The following ADK variants were observed in gnomAD, a reference collection of about 807,000 sequenced individuals.
ADK encodes the protein N6,N6-dimethyladenosine kinase.
Under a neutral mutation model 44.7 loss-of-function variants are expected in ADK, and 24 were observed. The observed-to-expected ratio is 0.54, with a 90% CI of 0.39 to 0.76. The LOEUF is 0.76. Among genes scored for constraint, ADK ranks in the 30% least tolerant of loss-of-function variants. ADK has a pLI of 0.00. For missense variants in ADK, 321 were observed against 425.1 expected (o/e 0.76, Z 2.15); for synonymous variants, 128 against 142.6 (o/e 0.90, Z 0.73).
chr10:74,397,470 G>A (rs1052371639), intron 5 of ADK, among the ~76,000 whole-genome samples: 1 of 151,994 alleles, frequency 6.6e-6, no homozygotes, highest in African/African-American at 2.4e-5. Flanking sequence ...TATTTATAAT[G>A]TAAATAATTA....
chr10:74,530,492 T>A (rs902266972), intron 7 of ADK: 9 of 151,862 alleles, frequency 5.9e-5, no homozygotes, highest in Non-Finnish European at 7.4e-5. Context: ...CCTCAATATT[T>A]AAAAAAAATA....
chr10:74,371,118 G>A (rs1001272056), intron 4 of ADK, among the ~76,000 whole-genome samples: 2 of 152,126 alleles, frequency 1.3e-5, no homozygotes, highest in South Asian at 2.1e-4. Flanking sequence ...TTGGGGTTTG[G>A]AAAGGAAAAA....
intron 2 of ADK, among the ~76,000 whole-genome samples, chr10:74,207,986 T>G (rs1032305126): frequency 6.6e-6 from 1 of 152,198 alleles, no homozygotes; most frequent in Non-Finnish European, 1.5e-5. Flanking sequence ...TCTCTGCACC[T>G]AAAGTCCAGA....
At chr10:74,179,297 T>C (rs1231426155) in intron 1 of ADK, among the ~76,000 whole-genome samples, 2 of 152,174 alleles carry the variant, frequency 1.3e-5, no homozygotes, top group Non-Finnish European at 2.9e-5. Context: ...CATGTTCCTA[T>C]CAGAGGCATT....
intron 9 of ADK, among the ~76,000 whole-genome samples, chr10:74,645,055 T>G (rs568709004): frequency 3.6e-4 from 55 of 152,362 alleles, no homozygotes; most frequent in Middle Eastern, 6.8e-3. Flanking sequence ...TTGTTAGCAC[T>G]AAGTTTTCTG....
intron 9 of ADK, among the ~76,000 whole-genome samples, chr10:74,638,744 G>C (rs894612641): frequency 6.6e-6 from 1 of 152,068 alleles, no homozygotes. Flanking sequence ...TGGCTTTCTG[G>C]CAGTGTCATC....
At chr10:74,568,822 A>T (rs368967357) in intron 7 of ADK, among the ~76,000 whole-genome samples, 1 of 152,034 alleles carries the variant, frequency 6.6e-6, no homozygotes, top group African/African-American at 2.4e-5. Flanking sequence ...CATGTGCACA[A>T]CGTGCAGGTT....
intron 8 of ADK, among the ~76,000 whole-genome samples, chr10:74,594,953 A>C (rs1166203548): frequency 1.3e-5 from 2 of 152,142 alleles, no homozygotes; most frequent in Non-Finnish European, 2.9e-5. Context: ...AGGTGGGTGG[A>C]TCACCTGACA....
chr10:74,698,343 C>T (rs1212638784), intron 10 of ADK, among the ~76,000 whole-genome samples: 1 of 152,210 alleles, frequency 6.6e-6, no homozygotes, highest in East Asian at 1.9e-4. Flanking sequence ...TGCCTGCTCT[C>T]TTGGCTGTGT....
At chr10:74,706,065 A>AACTTATACATGTAAGTT (rs1431554482) in intron 10 of ADK, among the ~76,000 whole-genome samples, 1 of 152,150 alleles carries the variant, frequency 6.6e-6, no homozygotes, top group African/African-American at 2.4e-5. Context: ...CAAGTGTGGT[A>AACTTATACATGTAAGTT]ACTTATACAT....
At chr10:74,252,122 T>G (rs1048772394) in intron 3 of ADK, among the ~76,000 whole-genome samples, 1 of 152,040 alleles carries the variant, frequency 6.6e-6, no homozygotes, top group African/African-American at 2.4e-5. Flanking sequence ...CTCCCCTCAT[T>G]TTTGGATGTT....
chr10:74,164,366 T>G (rs1178778739), intron 1 of ADK, among the ~76,000 whole-genome samples: 2 of 152,086 alleles, frequency 1.3e-5, no homozygotes, highest in Non-Finnish European at 2.9e-5. Context: ...TGAAACCCTG[T>G]CTCTACTAAA....
chr10:74,662,094 CT>C (rs760423037), intron 9 of ADK, among the ~76,000 whole-genome samples: 4 of 152,132 alleles, frequency 2.6e-5, no homozygotes, highest in Admixed American at 6.5e-5. Context: ...TTTTATAACA[CT>C]GTTAATACTT....
At chr10:74,649,001 G>A (rs1163632362) in intron 9 of ADK, among the ~76,000 whole-genome samples, 3 of 152,052 alleles carry the variant, frequency 2.0e-5, no homozygotes, top group Non-Finnish European at 2.9e-5. Flanking sequence ...CCAACATGGT[G>A]AAACCCTGTC....
chr10:74,244,831 G>A (rs1413523792), intron 3 of ADK, among the ~76,000 whole-genome samples: 1 of 152,190 alleles, frequency 6.6e-6, no homozygotes, highest in Non-Finnish European at 1.5e-5. Flanking sequence ...GGCAAACTAT[G>A]TGGTACAGTG....
chr10:74,517,755 A>G (rs995603681), intron 6 of ADK, among the ~76,000 whole-genome samples: 4 of 152,036 alleles, frequency 2.6e-5, no homozygotes, highest in Admixed American at 2.0e-4. Flanking sequence ...AAGGAACCAC[A>G]TAGACAGGAA....
At chr10:74,166,477 G>A (rs1197303200) in intron 1 of ADK, among the ~76,000 whole-genome samples, 2 of 151,984 alleles carry the variant, frequency 1.3e-5, no homozygotes, top group Non-Finnish European at 2.9e-5. Context: ...GTGCCACCAC[G>A]CCCAACTAAT....
At chr10:74,548,489 G>A (rs186987403) in intron 7 of ADK, among the ~76,000 whole-genome samples, 49 of 152,220 alleles carry the variant, frequency 3.2e-4, no homozygotes, top group Non-Finnish European at 5.4e-4. Context: ...AGGGACACAC[G>A]ATATCTGGGA....
chr10:74,205,842 T>C (rs1843577409), intron 2 of ADK, among the ~76,000 whole-genome samples: 1 of 152,088 alleles, frequency 6.6e-6, no homozygotes, highest in African/African-American at 2.4e-5. Context: ...TAAAGCAACC[T>C]AGGTAACTAT....
Sources: gnomAD v4.1 joint callset for allele counts (sites outside exome capture counted in the v4.1 genomes callset) on GRCh38, gnomAD v4.1.1 for gene constraint, MANE v1.5 for transcripts, NCBI Gene and HGNC (gene_info 2026-07-23, HGNC 2026-07-21) for gene names.